Variants in CHI3L2 observed in about 807,000 individuals in gnomAD.
CHI3L2 encodes the protein chitinase 3 like 2, also known as chitinase-3-like protein 2.
Under a neutral mutation model 47.3 loss-of-function variants are expected in CHI3L2, and 47 were observed. The observed-to-expected ratio is 0.99, with a 90% CI of 0.79 to 1.27. The LOEUF (loss-of-function observed/expected upper bound fraction) is 1.27. Among genes scored for constraint, CHI3L2 ranks in the 50% most tolerant of loss-of-function variants. CHI3L2 has a pLI of 0.00. For synonymous variants in CHI3L2, 198 were observed against 169.9 expected, an observed-to-expected ratio of 1.17 and a Z score of -1.28; for missense variants, 497 against 462.1, an observed-to-expected ratio of 1.08 and a Z score of -0.69.
intron 4 of CHI3L2, among the ~76,000 whole-genome samples, chr1:111,234,513 TG>T (rs1364581786): frequency 1.3e-5 from 2 of 152,180 alleles, no homozygotes; most frequent in African/African-American, 4.8e-5. Flanking sequence ...GTACCAGGTC[TG>T]GGGGTTTCTG....
chr1:111,229,411 G>A (rs916369477), intron 1 of CHI3L2, among the ~76,000 whole-genome samples: 3 of 152,066 alleles, frequency 2.0e-5, no homozygotes, highest in Non-Finnish European at 4.4e-5. Flanking sequence ...GGCCGGGCGC[G>A]GTGGCTCACG....
intron 4 of CHI3L2, among the ~76,000 whole-genome samples, chr1:111,234,188 TAAAA>T (rs553835455): frequency 1.3e-5 from 1 of 77,912 alleles, no homozygotes; most frequent in African/African-American, 5.3e-5. Context: ...GAATGATCAA[TAAAA>T]AAAAAAAAAA....
At chr1:111,233,157 T>C (rs1659776141) in intron 4 of CHI3L2, among the ~76,000 whole-genome samples, 1 of 152,126 alleles carries the variant, frequency 6.6e-6, no homozygotes. Flanking sequence ...AGAATCAACT[T>C]CATGGCTTCA....
At position 111,236,190 on chromosome 1, in the gene CHI3L2, TG is replaced by T. The variant is rs776788828; in HGVS notation, c.735+42del. ...AGGGGAACCGCAGGGGTACTGGCTG[TG>T]GGGGTGGGGCTGGGGAGAGTCCAGC... On this transcript the variant is annotated intron_variant, in intron 7 of 10. Coordinates refer to ENST00000369748, the MANE Select transcript of CHI3L2 (RefSeq NM_004000.3). 4,088 of 1,609,836 alleles carry T rather than the reference TG, an allele frequency of 2.5e-3. 6 individuals carry two copies. Among genetic ancestry groups the T allele is most frequent in the Non-Finnish European group, 2.7e-3 (3,215 of 1,177,168 alleles).
intron 10 of CHI3L2, 102 bp downstream of exon 10, chr1:111,242,468 T>A (rs1222739564): frequency 3.2e-5 from 42 of 1,312,410 alleles, no homozygotes; most frequent in Non-Finnish European, 1.7e-5. Context: ...TAATCCTTTC[T>A]CATGCTCCTT....
intron 9 of CHI3L2, 140 bp from the exon 10 acceptor site, chr1:111,242,087 C>T (rs1660075509): frequency 1.9e-6 from 2 of 1,041,772 alleles, no homozygotes; most frequent in Non-Finnish European, 2.8e-6. Context: ...AATCTTACCC[C>T]TCAGGAAGTC....
chr1:111,240,598 TA>T (rs1225334458), intron 8 of CHI3L2, among the ~76,000 whole-genome samples: 1 of 152,258 alleles, frequency 6.6e-6, no homozygotes, highest in Non-Finnish European at 1.5e-5. Flanking sequence ...GACAGGTTGA[TA>T]TTTGCTTAAA....
chr1:111,239,714 A>T (rs907280605), intron 8 of CHI3L2, among the ~76,000 whole-genome samples: 1 of 152,234 alleles, frequency 6.6e-6, no homozygotes, highest in African/African-American at 2.4e-5. Flanking sequence ...TCTGCTAATT[A>T]TACCATCATT....
chr1:111,242,392 G>T, intron 10 of CHI3L2, 26 bp downstream of exon 10: 1 of 1,575,010 alleles, frequency 6.3e-7, no homozygotes, highest in Non-Finnish European at 8.6e-7. Context: ...GGAGCTGGGA[G>T]TGGGCAGACA....
intron 8 of CHI3L2, among the ~76,000 whole-genome samples, chr1:111,240,870 A>G (rs1392812623): frequency 6.6e-6 from 1 of 152,230 alleles, no homozygotes; most frequent in Non-Finnish European, 1.5e-5. Flanking sequence ...AAGATGAGGA[A>G]TAGTGGTGAT....
Position 111,235,758 on chromosome 1 carries a change from G to C in CHI3L2, c.600G>C (p.Leu200=). ...ATAACAGCTATCAAGTTGAGAAACT[G>C]GCAAAGTGAGTACATCAGAGCAACT... The part of the protein sequence containing the change: ...MIDNSYQVEK[L]AKDLDFINLL... The change falls in exon 6 of 11, where the codon CTG becomes CTC. Residue 200 remains leucine (L), a synonymous_variant. Coordinates refer to ENST00000369748, the MANE Select transcript of CHI3L2 (RefSeq NM_004000.3). 6.2e-7 allele frequency: 1 copy of C among 1,613,588 alleles called. No homozygotes were observed. The highest frequency in any genetic ancestry group is 8.5e-7 in the Non-Finnish European group (1 of 1,179,742).
chr1:111,231,378 T>A, intron 4 of CHI3L2, 84 bp downstream of exon 4: 2 of 1,062,636 alleles, frequency 1.9e-6, no homozygotes, highest in Non-Finnish European at 1.4e-6. Context: ...GAAGAGATAT[T>A]AAACTAGGCT....
intron 10 of CHI3L2, among the ~76,000 whole-genome samples, chr1:111,242,880 C>T (rs990650790): frequency 2.6e-5 from 4 of 152,142 alleles, no homozygotes; most frequent in South Asian, 2.1e-4. Flanking sequence ...CCTTGAAGGT[C>T]GGTGGCTTTG....
chr1:111,229,824 G>C lies in CHI3L2; in HGVS notation c.41-28G>C, dbSNP rs1187331321. ...CAGCAGAACCAGGTTTGGCTCAACAGATTTCTCTTTCCACCCATCTATTGC... is the reference window on the plus strand; with the variant it reads ...CAGCAGAACCAGGTTTGGCTCAACACATTTCTCTTTCCACCCATCTATTGC... On this transcript the variant is annotated intron_variant, in intron 1 of 10. Coordinates refer to ENST00000369748, the MANE Select transcript of CHI3L2 (RefSeq NM_004000.3). 6 of 1,613,302 alleles carry C rather than the reference G, an allele frequency of 3.7e-6. No individual in the cohort carries two copies. The South Asian group carries it at 5.5e-5, about 15-fold the overall frequency.
intron 10 of CHI3L2, 124 bp downstream of exon 10, chr1:111,242,490 C>T (rs1013855302): frequency 9.1e-7 from 1 of 1,097,500 alleles, no homozygotes; most frequent in Admixed American, 2.9e-5. Context: ...GGCTCTTCTG[C>T]CATGTTTTCT....
At chr1:111,228,641 T>C (rs2101542522) in intron 1 of CHI3L2, among the ~76,000 whole-genome samples, 1 of 152,298 alleles carries the variant, frequency 6.6e-6, no homozygotes, top group Non-Finnish European at 1.5e-5. Flanking sequence ...ATGTGAGTCA[T>C]CAAGAGAGAA....
chr1:111,229,489 C>T (rs371889103), intron 1 of CHI3L2, among the ~76,000 whole-genome samples: 5 of 150,682 alleles, frequency 3.3e-5, no homozygotes, highest in Admixed American at 2.6e-4. Context: ...GAGACCATCC[C>T]GGCTAAAACG....
In CHI3L2 at chr1:111,230,862, C is replaced by T. The variant is rs746931678; in HGVS notation, c.191C>T (p.Ala64Val). 1 of 1,614,034 alleles carries T rather than the reference C, an allele frequency of 6.2e-7. No homozygotes were observed. The highest frequency in any genetic ancestry group is 8.5e-7 in the Non-Finnish European group (1 of 1,179,974). ...TGCTCTCATCTCATCTATTCATTCG[C>T]CAGCATCGAAAACAACAAGGTTATC... ...FLCSHLIYSF[A>V]SIENNKVIIK... The change falls in exon 3 of 11, where the codon GCC becomes GTC. Residue 64 changes from alanine to valine, a missense_variant. Physicochemically the swap from Ala to Val is moderately conservative, Grantham distance 64. Coordinates refer to ENST00000369748, the MANE Select transcript of CHI3L2 (RefSeq NM_004000.3).
In CHI3L2 at chr1:111,230,888, A is replaced by G; in HGVS notation, c.217A>G (p.Ile73Val). The change falls in exon 3 of 11, where the codon ATC becomes GTC. Residue 73 changes from isoleucine (I) to valine (V), a missense_variant. Ile to Val is a conservative substitution (Grantham distance 29, BLOSUM62 3). Transcript: ENST00000369748. Reference sequence around the variant, plus strand: ...CAGCATCGAAAACAACAAGGTTATCATCAAGGACAAGAGTGAAGTGATGCT... The same window carrying G: ...CAGCATCGAAAACAACAAGGTTATCGTCAAGGACAAGAGTGAAGTGATGCT... ...FASIENNKVI[I>V]KDKSEVMLYQ... The G allele has an allele frequency of 2.5e-6, 4 of 1,614,192 alleles. No homozygotes were observed. The highest frequency in any genetic ancestry group is 3.4e-6 in the Non-Finnish European group (4 of 1,180,026).
Sources: allele counts gnomAD v4.1 joint callset (sites outside exome capture counted in the v4.1 genomes callset), GRCh38; gene constraint gnomAD v4.1.1; transcripts MANE v1.5; gene names NCBI Gene and HGNC (gene_info 2026-07-23, HGNC 2026-07-21).